SNRPN: variants seen among roughly 807,000 people sequenced by gnomAD.
The protein encoded by SNRPN is small nuclear ribonucleoprotein-associated protein N.
Under a neutral mutation model 25.2 loss-of-function variants are expected in SNRPN, and 7 were observed. The ratio of observed to expected loss-of-function variants is 0.28; its 90% confidence interval spans 0.16 to 0.52. SNRPN has a LOEUF of 0.52. SNRPN is among the 20% of genes least tolerant of loss of function. The pLI is 0.96. For synonymous variants in SNRPN, 124 were observed against 110.6 expected (o/e 1.12, Z -0.76); for missense variants, 196 against 322.5 (o/e 0.61, Z 3.00).
intron 3 of SNRPN, among the ~76,000 whole-genome samples, chr15:24,936,540 T>C (rs928027340): frequency 1.3e-5 from 2 of 152,110 alleles, no homozygotes; most frequent in Non-Finnish European, 2.9e-5. Flanking sequence ...GGGTAATTTA[T>C]AAAGAAAAGA....
intron 2 of SNRPN, among the ~76,000 whole-genome samples, chr15:24,899,450 A>G (rs563833167): frequency 6.6e-6 from 1 of 152,340 alleles, no homozygotes; most frequent in African/African-American, 2.4e-5. Context: ...GTGGTTGGAC[A>G]TTGTAAAAAG....
At chr15:24,847,391 A>G (rs1281435052) in intron 2 of SNRPN, among the ~76,000 whole-genome samples, 3 of 152,216 alleles carry the variant, frequency 2.0e-5, no homozygotes, top group Non-Finnish European at 4.4e-5. Flanking sequence ...CTGTAATCCC[A>G]ACACACTGGG....
At chr15:24,909,329 C>G in intron 2 of SNRPN, 1 of 1,603,402 alleles carries the variant, frequency 6.2e-7, no homozygotes, top group African/African-American at 1.3e-5. Flanking sequence ...ATCCACAGCT[C>G]CCTTCAGGGC....
chr15:24,973,738 CT>C (rs2076740071), intron 3 of SNRPN, among the ~76,000 whole-genome samples: 1 of 152,140 alleles, frequency 6.6e-6, no homozygotes, highest in Non-Finnish European at 1.5e-5. Flanking sequence ...ATTACTTGAT[CT>C]ATGAAAGTTG....
chr15:24,900,037 A>G (rs1039613552), intron 2 of SNRPN, among the ~76,000 whole-genome samples: 3 of 152,204 alleles, frequency 2.0e-5, no homozygotes, highest in Non-Finnish European at 2.9e-5. Flanking sequence ...CAGTGGTATC[A>G]CAATTAATCA....
chr15:24,893,366 C>G (rs2057834268), intron 2 of SNRPN, among the ~76,000 whole-genome samples: 1 of 152,152 alleles, frequency 6.6e-6, no homozygotes, highest in South Asian at 2.1e-4. Flanking sequence ...CCTGTAATCC[C>G]AGCACATTGG....
chr15:24,971,842 C>T (rs866485201), intron 3 of SNRPN, among the ~76,000 whole-genome samples: 16 of 152,270 alleles, frequency 1.1e-4, no homozygotes, highest in Non-Finnish European at 1.5e-4. Flanking sequence ...CAATCATTGC[C>T]ATGAACTACT....
intron 1 of SNRPN, among the ~76,000 whole-genome samples, chr15:24,826,919 T>C (rs1444961189): frequency 2.0e-5 from 3 of 152,126 alleles, no homozygotes; most frequent in Admixed American, 2.0e-4. Context: ...TATAGCCTAC[T>C]ACATGGCTAG....
intron 2 of SNRPN, among the ~76,000 whole-genome samples, chr15:24,898,171 AAAAC>A (rs1374599296): frequency 6.6e-6 from 1 of 152,216 alleles, no homozygotes; most frequent in Non-Finnish European, 1.5e-5. Flanking sequence ...AAAAAAAACA[AAAAC>A]AAAAACAAAA....
At chr15:24,876,999 GGT>G (rs2055965234) in intron 1 of SNRPN, among the ~76,000 whole-genome samples, 1 of 152,142 alleles carries the variant, frequency 6.6e-6, no homozygotes, top group African/African-American at 2.4e-5. Flanking sequence ...CATTAGCTAG[GGT>G]GTGCTCACTT....
At chr15:24,883,016 A>T (rs12591587) in intron 1 of SNRPN, among the ~76,000 whole-genome samples, 21,019 of 151,784 alleles carry the variant, frequency 0.14, 1,679 homozygotes, top group Admixed American at 0.24. Flanking sequence ...TGTAATTCAT[A>T]AAATACTGGA....
At chr15:24,976,563 C>T in intron 6 of SNRPN, 147 bp downstream of exon 6, 1 of 686,586 alleles carries the variant, frequency 1.5e-6, no homozygotes, top group Non-Finnish European at 2.5e-6. Context: ...TGTTGGTTGC[C>T]TATGCTATTC....
chr15:24,838,897 C>G (rs1278199617), intron 2 of SNRPN, among the ~76,000 whole-genome samples: 1 of 151,936 alleles, frequency 6.6e-6, no homozygotes, highest in Non-Finnish European at 1.5e-5. Context: ...GGGAACACTG[C>G]CATAAAATTA....
At position 24,832,328 on chromosome 15, in the gene SNRPN, G is replaced by A. The variant is rs76234707; in HGVS notation, c.-579+2423G>A. Among the ~76,000 whole-genome samples the A allele has an allele frequency of 8.5e-5, 13 of 152,056 alleles. No individual in the cohort carries two copies. In the East Asian group the frequency reaches 1.2e-3, roughly 14 times the overall value. On this transcript the variant is annotated intron_variant, in intron 2 of 12. Coordinates refer to the SNRPN transcript ENST00000400100. ...TACTCTGACAATGTGTCTTTAATTG[G>A]TGCATTTCAACCATTGCTACTCAAA...
At chr15:24,949,856 C>G (rs1047765340) in intron 3 of SNRPN, among the ~76,000 whole-genome samples, 55 of 150,468 alleles carry the variant, frequency 3.7e-4, no homozygotes, top group Non-Finnish European at 2.2e-4. Flanking sequence ...GAGAACGGGT[C>G]TCACTCTGTT....
chr15:24,847,490 AATTAGTGGGCAT>A (rs1430235055), intron 2 of SNRPN, among the ~76,000 whole-genome samples: 1 of 152,072 alleles, frequency 6.6e-6, no homozygotes, highest in Non-Finnish European at 1.5e-5. Context: ...AAAATACAAA[AATTAGTGGGCAT>A]GGTGGCGGGT....
intron 7 of SNRPN, 80 bp from the exon 8 acceptor site, chr15:24,977,698 C>T (rs2077222862): frequency 7.5e-7 from 1 of 1,331,016 alleles, no homozygotes; most frequent in Non-Finnish European, 1.0e-6. Context: ...ACTAATTGGT[C>T]ATTTTTCTCA....
chr15:24,961,136 A>G (rs1324612195), intron 1 of SNRPN, among the ~76,000 whole-genome samples: 1 of 152,232 alleles, frequency 6.6e-6, no homozygotes, highest in Non-Finnish European at 1.5e-5. Context: ...TATATTTAAT[A>G]GACCATTGTG....
intron 2 of SNRPN, among the ~76,000 whole-genome samples, chr15:24,914,973 A>G (rs1316247457): frequency 6.6e-6 from 1 of 151,998 alleles, no homozygotes; most frequent in Non-Finnish European, 1.5e-5. Context: ...AACATCAGGG[A>G]TAAGGGGGAT....
Sources: gnomAD v4.1 joint callset for allele counts (sites outside exome capture counted in the v4.1 genomes callset) on GRCh38, gnomAD v4.1.1 for gene constraint, MANE v1.5 for transcripts, NCBI Gene and HGNC (gene_info 2026-07-23, HGNC 2026-07-21) for gene names.